ZNF391: variants seen among roughly 807,000 people sequenced by gnomAD.
ZNF391 encodes zinc finger protein 391.
For missense variants in ZNF391, 375 were observed against 425.5 expected (o/e 0.88, Z 1.04); for synonymous variants, 126 against 142.1 (o/e 0.89, Z 0.80).
Position 27,381,663 on chromosome 6 carries a change from A to C in ZNF391, n.523+6526A>C, listed in dbSNP as rs370565445. 1.8e-3 allele frequency among the ~76,000 whole-genome samples: 277 copies of C among 152,212 alleles called. 1 individual carries two copies. Among genetic ancestry groups the C allele is most frequent in the African/African-American group, 6.4e-3 (267 of 41,548 alleles). ...CTGAGGTGGGAGGATTGCTTGACCCAGGAGGAGGAGGCTGCAGTGAGCCAT... is the reference window on the plus strand; with the variant it reads ...CTGAGGTGGGAGGATTGCTTGACCCCGGAGGAGGAGGCTGCAGTGAGCCAT... On this transcript the variant is annotated intron_variant and non_coding_transcript_variant, in intron 1 of 2. Coordinates refer to the ZNF391 transcript ENST00000477999.
upstream of ZNF391, among the ~76,000 whole-genome samples, chr6:27,385,885 C>T (rs1479955016): frequency 6.6e-6 from 1 of 152,068 alleles, no homozygotes; most frequent in African/African-American, 2.4e-5. Context: ...GGCTGTAAAA[C>T]ATAACTTAAC....
chr6:27,380,369 T>C (rs1761479117), intron 1 of ZNF391, among the ~76,000 whole-genome samples: 1 of 152,160 alleles, frequency 6.6e-6, no homozygotes, highest in South Asian at 2.1e-4. Flanking sequence ...GCGGTGAGTA[T>C]TACAGCTCTT....
chr6:27,375,995 G>C (rs1311256535), intron 1 of ZNF391, among the ~76,000 whole-genome samples: 4 of 152,286 alleles, frequency 2.6e-5, no homozygotes, highest in Non-Finnish European at 5.9e-5. Context: ...TAAATGGAGA[G>C]GATGAAGTAA....
chr6:27,400,252 T>C (rs766092), intron 2 of ZNF391, 41 bp from the exon 3 acceptor site: 600,951 of 820,016 alleles, frequency 0.73, 221,753 homozygotes, highest in Middle Eastern at 0.82. Flanking sequence ...TTGCTCTCCA[T>C]AGTAGATACA....
intron 1 of ZNF391, chr6:27,390,898 G>C (rs1009010257): frequency 6.6e-6 from 1 of 152,154 alleles, no homozygotes; most frequent in African/African-American, 2.4e-5. Flanking sequence ...TTATAATGTG[G>C]GACGAGATTT....
At chr6:27,383,543 T>G (rs1014989938) in intron 1 of ZNF391, among the ~76,000 whole-genome samples, 15 of 152,196 alleles carry the variant, frequency 9.9e-5, no homozygotes, top group African/African-American at 3.4e-4. Flanking sequence ...ACAACATATT[T>G]GGATTTGGGT....
At chr6:27,378,625 T>C (rs1370220232) in intron 1 of ZNF391, among the ~76,000 whole-genome samples, 3 of 152,182 alleles carry the variant, frequency 2.0e-5, no homozygotes, top group Non-Finnish European at 2.9e-5. Flanking sequence ...ACTTCTTTTG[T>C]GATTCTTCAG....
chr6:27,389,702 G>T (rs1221513406), intron 1 of ZNF391, among the ~76,000 whole-genome samples: 1 of 152,166 alleles, frequency 6.6e-6, no homozygotes, highest in Admixed American at 6.5e-5. Flanking sequence ...TACTCGGGAG[G>T]CTGAGGCAGG....
At chr6:27,392,229 A>G (rs1761729401) in intron 1 of ZNF391, among the ~76,000 whole-genome samples, 1 of 152,096 alleles carries the variant, frequency 6.6e-6, no homozygotes, top group Admixed American at 6.5e-5. Flanking sequence ...TGCCACTTGC[A>G]CTTCAGTGGA....
At chr6:27,377,621 C>G (rs546101266) in intron 1 of ZNF391, among the ~76,000 whole-genome samples, 1 of 152,194 alleles carries the variant, frequency 6.6e-6, no homozygotes, top group Non-Finnish European at 1.5e-5. Flanking sequence ...CTTTCCAGAC[C>G]GAACCAATGT....
intron 1 of ZNF391, among the ~76,000 whole-genome samples, chr6:27,381,538 T>G (rs1761508516): frequency 6.6e-6 from 1 of 152,186 alleles, no homozygotes; most frequent in Non-Finnish European, 1.5e-5. Context: ...GCTCCTCAAG[T>G]GCCGCCAAAG....
intron 1 of ZNF391, among the ~76,000 whole-genome samples, chr6:27,381,639 T>C (rs899693362): frequency 1.3e-5 from 2 of 152,104 alleles, no homozygotes; most frequent in South Asian, 4.1e-4. Flanking sequence ...CTTAGGAGGC[T>C]GAGGTGGGAG....
intron 1 of ZNF391, among the ~76,000 whole-genome samples, chr6:27,398,814 G>A (rs779519342): frequency 2.6e-5 from 4 of 152,046 alleles, no homozygotes; most frequent in African/African-American, 4.8e-5. Context: ...AGCCGAGATC[G>A]CGCCATTGCA....
intron 1 of ZNF391, among the ~76,000 whole-genome samples, chr6:27,398,398 GAGCC>G (rs1761874325): frequency 6.6e-6 from 1 of 152,124 alleles, no homozygotes; most frequent in South Asian, 2.1e-4. Context: ...AAGGCTGCTG[GAGCC>G]AGGGTACTCT....
At chr6:27,378,855 T>C (rs947597338) in intron 1 of ZNF391, among the ~76,000 whole-genome samples, 6 of 152,054 alleles carry the variant, frequency 3.9e-5, no homozygotes, top group African/African-American at 1.4e-4. Context: ...CTTTAGCCTA[T>C]GGGTTTGAAG....
intron 1 of ZNF391, among the ~76,000 whole-genome samples, chr6:27,378,853 T>C (rs1761455722): frequency 1.3e-5 from 2 of 152,058 alleles, no homozygotes; most frequent in Admixed American, 1.3e-4. Flanking sequence ...CTCTTTAGCC[T>C]ATGGGTTTGA....
chr6:27,397,621 A>C (rs1761855879), intron 1 of ZNF391, among the ~76,000 whole-genome samples: 1 of 152,156 alleles, frequency 6.6e-6, no homozygotes, highest in African/African-American at 2.4e-5. Context: ...GGCATCATAA[A>C]GTATGCAATT....
chr6:27,380,463 G>C (rs1407004631), intron 1 of ZNF391, among the ~76,000 whole-genome samples: 8 of 152,150 alleles, frequency 5.3e-5, no homozygotes, highest in African/African-American at 1.9e-4. Flanking sequence ...AGACCTTCGC[G>C]GTGAGTTTTG....
At chr6:27,395,643 A>T (rs955831382) in intron 1 of ZNF391, among the ~76,000 whole-genome samples, 1 of 152,224 alleles carries the variant, frequency 6.6e-6, no homozygotes, top group Non-Finnish European at 1.5e-5. Flanking sequence ...TTTAACAATC[A>T]TTAAAATATT....
Sources: gnomAD v4.1 joint callset for allele counts (sites outside exome capture counted in the v4.1 genomes callset) on GRCh38, gnomAD v4.1.1 for gene constraint, MANE v1.5 for transcripts, NCBI Gene and HGNC (gene_info 2026-07-23, HGNC 2026-07-21) for gene names.